Variants in PHF8 observed in about 807,000 individuals in gnomAD.
PHF8 encodes PHD finger protein 8, also known as histone lysine demethylase PHF8.
In PHF8, 9 loss-of-function variants were observed where a neutral mutation model predicts 74.4. The observed-to-expected ratio is 0.12, with a 90% CI of 0.07 to 0.21. The LOEUF (loss-of-function observed/expected upper bound fraction) is 0.21. Among genes scored for constraint, PHF8 ranks in the 10% least tolerant of loss-of-function variants. The pLI is 1.00. For synonymous variants in PHF8, 311 were observed against 316.6 expected, an observed-to-expected ratio of 0.98 and a Z score of 0.19; for missense variants, 478 against 816.6, an observed-to-expected ratio of 0.59 and a Z score of 5.05.
chrX:53,995,570 G>T, intron 12 of PHF8, 123 bp downstream of exon 12: 1 of 507,791 alleles, frequency 2.0e-6, no homozygotes, highest in Admixed American at 2.8e-5. Flanking sequence ...AATGAATTGG[G>T]TCTTTGGTAG....
At chrX:54,005,988 T>C (rs1163480161) in intron 8 of PHF8, among the ~76,000 whole-genome samples, 4 of 112,022 alleles carry the variant, frequency 3.6e-5, no homozygotes, top group Non-Finnish European at 3.8e-5. Flanking sequence ...TAAATTATGT[T>C]TCATAGGGAA....
At position 53,938,314 on chromosome X, in the gene PHF8, C is replaced by A; in HGVS notation, c.*844G>T. ...AGATGGTTTTCCACCTGCCAGGGCC[C>A]AGCCACAGCCACAGCCACAGCCACG... is the stretch of plus-strand genomic sequence containing the variant. On this transcript the variant is annotated 3_prime_UTR_variant, in exon 22 of 22. Transcript: ENST00000338154. The A allele has an allele frequency of 1.0e-6, 1 of 980,211 alleles. No individual in the cohort carries two copies. The highest frequency in any genetic ancestry group is 4.2e-5 in the East Asian group (1 of 23,531). The allele number at this position is 980,211 out of a possible 1,213,427, so 80.8% of individuals were successfully genotyped here.
In PHF8 at chrX:53,938,258, C is replaced by T. The variant is rs1242480384; in HGVS notation, c.*900G>A. 6.8e-6 allele frequency: 7 copies of T among 1,028,433 alleles called. No individual in the cohort carries two copies. In the Admixed American group the frequency reaches 1.3e-4, roughly 19 times the overall value. The allele number at this position is 1,028,433 out of a possible 1,213,427, so 84.8% of individuals were successfully genotyped here. ...CAGGCTGTAGGGCCAGGGTTATCTG[C>T]GTCATTGGCAGGTGCTTTCAGGTTT... On this transcript the variant is annotated 3_prime_UTR_variant, in exon 22 of 22. Coordinates refer to ENST00000338154, the MANE Select transcript of PHF8 (RefSeq NM_015107.3).
intron 18 of PHF8, among the ~76,000 whole-genome samples, chrX:53,972,901 T>C (rs1451833631): frequency 1.8e-5 from 2 of 111,532 alleles, no homozygotes; most frequent in African/African-American, 6.5e-5. Context: ...GAAAACCCCA[T>C]CACCTCAGCC....
intron 2 of PHF8, among the ~76,000 whole-genome samples, chrX:54,031,979 G>A (rs1350490153): frequency 9.0e-6 from 1 of 110,741 alleles, no homozygotes; most frequent in Non-Finnish European, 1.9e-5. Context: ...CTGGTCCAGG[G>A]ACCACACTTT....
chrX:54,001,162 C>T (rs1330717189), intron 10 of PHF8, among the ~76,000 whole-genome samples: 3 of 110,889 alleles, frequency 2.7e-5, no homozygotes, highest in African/African-American at 9.8e-5. Flanking sequence ...CCCGTCTCTA[C>T]TAAAAATACA....
At chrX:53,943,212 G>T in intron 20 of PHF8, 1 of 939,872 alleles carries the variant, frequency 1.1e-6, no homozygotes, top group Non-Finnish European at 1.4e-6. Flanking sequence ...AGAGACAGAA[G>T]TTCTGGTCAA....
At chrX:54,031,398 C>T (rs1421259649) in intron 2 of PHF8, among the ~76,000 whole-genome samples, 4 of 109,649 alleles carry the variant, frequency 3.6e-5, no homozygotes, top group East Asian at 5.7e-4. Flanking sequence ...CCATTCCCAC[C>T]GCCCCACCCC....
At chrX:53,964,442 A>G (rs1236852481) in intron 18 of PHF8, among the ~76,000 whole-genome samples, 1 of 111,997 alleles carries the variant, frequency 8.9e-6, no homozygotes, top group Non-Finnish European at 1.9e-5. Flanking sequence ...TGCAGCCTTA[A>G]AAAAAGGAAA....
At chrX:54,030,249 C>T (rs2066332797) in intron 2 of PHF8, among the ~76,000 whole-genome samples, 2 of 111,603 alleles carry the variant, frequency 1.8e-5, no homozygotes, top group African/African-American at 3.3e-5. Flanking sequence ...CAAACATCAA[C>T]GTGCTAGACA....
intron 2 of PHF8, among the ~76,000 whole-genome samples, chrX:54,031,436 G>C (rs868995057): frequency 9.2e-6 from 1 of 108,425 alleles, no homozygotes; most frequent in African/African-American, 3.4e-5. Context: ...AGGACTTAAA[G>C]GAATGCAAAG....
At chrX:53,976,935 T>G (rs2065387921) in intron 18 of PHF8, among the ~76,000 whole-genome samples, 1 of 111,828 alleles carries the variant, frequency 8.9e-6, no homozygotes. Flanking sequence ...TTTCCCCTCT[T>G]TTCACTACTG....
At chrX:53,969,432 C>A (rs1744065162) in intron 18 of PHF8, among the ~76,000 whole-genome samples, 1 of 110,452 alleles carries the variant, frequency 9.1e-6, no homozygotes, top group Admixed American at 9.7e-5. Context: ...AAGATCTCTA[C>A]AAGGAAAACT....
intron 2 of PHF8, chrX:54,040,099 C>G (rs1227342393): frequency 8.9e-6 from 1 of 112,010 alleles, no homozygotes. Context: ...AAATTAAGAA[C>G]ATTATTTAAA....
chrX:54,015,305 G>A (rs112502848), intron 6 of PHF8, among the ~76,000 whole-genome samples: 1,536 of 111,044 alleles, frequency 0.014, 18 homozygotes, highest in Non-Finnish European at 0.022. Context: ...CGCCGGGCGC[G>A]GTGGCTCACA....
chrX:53,961,784 A>G (rs1557090927), intron 19 of PHF8, among the ~76,000 whole-genome samples: 1 of 111,500 alleles, frequency 9.0e-6, no homozygotes, highest in African/African-American at 3.3e-5. Flanking sequence ...GGGGAACCAC[A>G]GGTACTGAAA....
At chrX:53,974,074 A>G (rs1411879925) in intron 18 of PHF8, among the ~76,000 whole-genome samples, 2 of 110,845 alleles carry the variant, frequency 1.8e-5, no homozygotes, top group Non-Finnish European at 3.8e-5. Context: ...CCTGGCTAAC[A>G]TGGTGAAACC....
chrX:54,017,590 T>C lies in PHF8; in HGVS notation c.454+71A>G. The C allele has an allele frequency of 3.2e-6, 3 of 949,341 alleles. No homozygotes were observed. In the Admixed American group the frequency reaches 6.8e-5, roughly 21 times the overall value. The allele number at this position is 949,341 out of a possible 1,213,427, so 78.2% of individuals were successfully genotyped here. ...TTACAGAGGAAATGCAAAAACAGAT[T>C]GGAGGGGAAGGGACACAGATCTTGA... On this transcript the variant is annotated intron_variant, in intron 5 of 21. Transcript: ENST00000338154.
intron 14 of PHF8, among the ~76,000 whole-genome samples, chrX:53,992,140 TA>T (rs2065676149): frequency 8.9e-6 from 1 of 112,469 alleles, no homozygotes; most frequent in Admixed American, 9.5e-5. Context: ...TATTCCTATG[TA>T]TTATTATGTA....
Sources: allele counts gnomAD v4.1 joint callset (sites outside exome capture counted in the v4.1 genomes callset), GRCh38; gene constraint gnomAD v4.1.1; transcripts MANE v1.5; gene names NCBI Gene and HGNC (gene_info 2026-07-23, HGNC 2026-07-21).